Variants in CLDN16 observed in about 807,000 individuals in gnomAD.
CLDN16 encodes the protein claudin 16, also known as claudin-16.
A neutral mutation model predicts 24.6 loss-of-function variants in CLDN16; 13 were observed. The ratio of observed to expected loss-of-function variants is 0.53; its 90% CI spans 0.34 to 0.84. The LOEUF is 0.84. Ranked by LOEUF, CLDN16 falls within the 40% of genes least tolerant of loss-of-function variation. The probability of loss-of-function intolerance (pLI) is 0.01; values close to 1 mark genes in which losing one functional copy is unlikely to be tolerated. For missense variants in CLDN16, 298 were observed against 292.7 expected (o/e 1.02, Z -0.13); for synonymous variants, 116 against 106.7 (o/e 1.09, Z -0.54).
chr3:190,301,608 G>A, the CLDN16 span, among the ~76,000 whole-genome samples: 1 of 152,094 alleles, frequency 6.6e-6, no homozygotes, highest in African/African-American at 2.4e-5. Context: ...TTTGGTTTAT[G>A]TCTGCTCCAT....
upstream of CLDN16, among the ~76,000 whole-genome samples, chr3:190,387,407 G>A (rs918012209): frequency 6.6e-6 from 1 of 151,786 alleles, no homozygotes; most frequent in Non-Finnish European, 1.5e-5. Context: ...TGGTCCATGA[G>A]GGAAAAGTAA....
the CLDN16 span, among the ~76,000 whole-genome samples, chr3:190,294,398 G>A: frequency 1.3e-5 from 2 of 152,102 alleles, no homozygotes; most frequent in Admixed American, 1.3e-4. Context: ...GATTGGCATT[G>A]AAAGACAATG....
At chr3:190,337,033 G>T (rs1043307265) in intron 1 of CLDN16, among the ~76,000 whole-genome samples, 6 of 152,198 alleles carry the variant, frequency 3.9e-5, no homozygotes, top group Admixed American at 1.3e-4. Flanking sequence ...ATCCTTATGA[G>T]CAGCTAATAG....
chr3:190,332,625 A>G (rs1324783922), intron 1 of CLDN16, among the ~76,000 whole-genome samples: 1 of 152,198 alleles, frequency 6.6e-6, no homozygotes, highest in Non-Finnish European at 1.5e-5. Flanking sequence ...AAATTTTTCC[A>G]CTATTAATTA....
chr3:190,310,858 C>G, the CLDN16 span, among the ~76,000 whole-genome samples: 6 of 152,124 alleles, frequency 3.9e-5, no homozygotes, highest in East Asian at 1.2e-3. Flanking sequence ...ATTTATGCAA[C>G]CCAATCTCAA....
the CLDN16 span, among the ~76,000 whole-genome samples, chr3:190,316,653 G>C: frequency 6.6e-6 from 1 of 152,088 alleles, no homozygotes; most frequent in Non-Finnish European, 1.5e-5. Flanking sequence ...ATGAACTCCT[G>C]GATGATTTGA....
chr3:190,382,258 T>C lies in CLDN16; in HGVS notation n.306+7655T>C, dbSNP rs573291909. Among the ~76,000 whole-genome samples, 103 of 152,240 alleles carry C rather than the reference T, an allele frequency of 6.8e-4. 1 individual carries two copies. Among genetic ancestry groups the C allele is most frequent in the African/African-American group, 2.5e-3 (102 of 41,566 alleles). On this transcript the variant is annotated intron_variant and non_coding_transcript_variant, in intron 3 of 4. Coordinates refer to the CLDN16 transcript ENST00000468220. ...ACTCAAAACACCCCCCATTGCTTAA[T>C]CATGCTGTACCATGATGAACATCTT...
In CLDN16 at chr3:190,408,390, T is replaced by C. The variant is rs1719160156; in HGVS notation, c.459T>C (p.Asn153=). The change falls in exon 4 of 5, where the codon AAT becomes AAC. Residue 153 remains asparagine, a synonymous_variant. Coordinates refer to ENST00000264734, the MANE Select transcript of CLDN16 (RefSeq NM_006580.4). ...YVERSTLVLH[N]IFLGIQYKFG... Reference sequence around the variant, plus strand: ...AACGTTCTACTTTGGTTTTGCACAATATATTTCTTGGTATCCAATATAAAT... The same window carrying C: ...AACGTTCTACTTTGGTTTTGCACAACATATTTCTTGGTATCCAATATAAAT... 6.2e-7 allele frequency: 1 copy of C among 1,614,062 alleles called. No individual in the cohort carries two copies.
intron 1 of CLDN16, among the ~76,000 whole-genome samples, chr3:190,396,676 A>G (rs903194321): frequency 6.6e-6 from 1 of 152,220 alleles, no homozygotes; most frequent in African/African-American, 2.4e-5. Flanking sequence ...CAGATGACCT[A>G]TAATTGCACA....
chr3:190,302,650 A>G, the CLDN16 span, among the ~76,000 whole-genome samples: 1 of 152,040 alleles, frequency 6.6e-6, no homozygotes, highest in Non-Finnish European at 1.5e-5. Context: ...ATGTGTGGGT[A>G]ATCACAGCTA....
chr3:190,350,775 G>A (rs898249241), intron 1 of CLDN16, among the ~76,000 whole-genome samples: 1 of 152,132 alleles, frequency 6.6e-6, no homozygotes, highest in African/African-American at 2.4e-5. Flanking sequence ...GGAAATACTA[G>A]GCTGACCTGT....
At chr3:190,347,396 A>G (rs1173734675) in intron 1 of CLDN16, among the ~76,000 whole-genome samples, 2 of 152,222 alleles carry the variant, frequency 1.3e-5, no homozygotes, top group African/African-American at 4.8e-5. Flanking sequence ...AAAAATTCAG[A>G]GATGCCAGTG....
intron 1 of CLDN16, among the ~76,000 whole-genome samples, chr3:190,356,545 G>C (rs1717777360): frequency 6.6e-6 from 1 of 151,776 alleles, no homozygotes; most frequent in Non-Finnish European, 1.5e-5. Flanking sequence ...AAAATAATTA[G>C]ATGGCCCTTC....
chr3:190,355,459 T>C (rs1050718633), intron 1 of CLDN16, among the ~76,000 whole-genome samples: 6 of 151,922 alleles, frequency 3.9e-5, no homozygotes, highest in African/African-American at 1.4e-4. Flanking sequence ...TCTATTTTTC[T>C]TTTTGGAAAA....
chr3:190,316,459 C>T, the CLDN16 span, among the ~76,000 whole-genome samples: 1 of 152,104 alleles, frequency 6.6e-6, no homozygotes, highest in East Asian at 1.9e-4. Context: ...TAAAACAGCA[C>T]GAAAACTCAC....
intron 1 of CLDN16, among the ~76,000 whole-genome samples, chr3:190,396,023 T>C (rs1718810963): frequency 6.6e-6 from 1 of 152,094 alleles, no homozygotes; most frequent in Non-Finnish European, 1.5e-5. Flanking sequence ...TCTCAAAAGA[T>C]ACATAAAAAG....
At chr3:190,297,835 A>T in the CLDN16 span, among the ~76,000 whole-genome samples, 1 of 151,126 alleles carries the variant, frequency 6.6e-6, no homozygotes, top group East Asian at 1.9e-4. Context: ...GGACATTCAC[A>T]TATGTCATTT....
Position 190,410,150 on chromosome 3 carries a change from A to G in CLDN16, c.*114A>G, listed in dbSNP as rs892300472. 5 of 1,198,690 alleles carry G rather than the reference A, an allele frequency of 4.2e-6. No homozygotes were observed. The African/African-American group carries it at 7.5e-5, about 18-fold the overall frequency. 74.3% of individuals were successfully genotyped at this position (1,198,690 alleles called of 1,614,324 possible). ...TTTAGAATTCATATTGAATTAAATT[A>G]ATTGCTAGCTTAATCAAAATGTTTG... On this transcript the variant is annotated 3_prime_UTR_variant, in exon 5 of 5. Transcript: ENST00000264734.
At chr3:190,371,751 C>T (rs955205109) in intron 2 of CLDN16, among the ~76,000 whole-genome samples, 1 of 151,814 alleles carries the variant, frequency 6.6e-6, no homozygotes, top group African/African-American at 2.4e-5. Context: ...ATATTCTGTC[C>T]AATTCAACTG....
Sources: allele counts gnomAD v4.1 joint callset (sites outside exome capture counted in the v4.1 genomes callset), GRCh38; gene constraint gnomAD v4.1.1; transcripts MANE v1.5; gene names NCBI Gene and HGNC (gene_info 2026-07-23, HGNC 2026-07-21).